RAB11FIP5: variants seen among roughly 807,000 people sequenced by gnomAD.
RAB11FIP5 encodes the protein RAB11 family interacting protein 5, also known as rab11 family-interacting protein 5.
RAB11FIP5 carries 48 observed loss-of-function variants against 85.1 expected under a neutral mutation model. That is an observed-to-expected ratio of 0.56 (90% CI 0.45 to 0.72). The LOEUF (loss-of-function observed/expected upper bound fraction) is 0.72. Ranked by LOEUF, RAB11FIP5 falls within the 30% of genes least tolerant of loss-of-function variation. RAB11FIP5 has a pLI of 0.00. For synonymous variants in RAB11FIP5, 729 were observed against 727.3 expected, an observed-to-expected ratio of 1.00 and a Z score of -0.04; for missense variants, 1,491 against 1,687.0, an observed-to-expected ratio of 0.88 and a Z score of 2.04.
chr2:73,092,030 A>C (rs1448733314), intron 1 of RAB11FIP5, among the ~76,000 whole-genome samples: 1 of 152,258 alleles, frequency 6.6e-6, no homozygotes, highest in Non-Finnish European at 1.5e-5. Flanking sequence ...TCTGTGGGGC[A>C]GGAGAGGAAG....
rs907917875 is a variant in RAB11FIP5 at position 73,080,108 on chromosome 2, C to A, written c.3124G>T (p.Gly1042Trp). The A allele has an allele frequency of 4.1e-6, 5 of 1,232,096 alleles. No homozygotes were observed. The highest frequency in any genetic ancestry group is 4.0e-6 in the Non-Finnish European group (4 of 988,046). The allele number at this position is 1,232,096 out of a possible 1,614,324, so 76.3% of individuals were successfully genotyped here. ...EAQGQDPVGE[G>W]LGSLSATSQQ... ...GAGGTGGCTGACAAGGACCCAAGCCCCTCTCCTACTGGATCCTGGCCCTGG... is the reference window on the plus strand; with the variant it reads ...GAGGTGGCTGACAAGGACCCAAGCCACTCTCCTACTGGATCCTGGCCCTGG... The change falls in exon 4 of 6, where the codon GGG (glycine) becomes TGG (tryptophan). Residue 1042 changes from glycine to tryptophan, a missense_variant. Gly to Trp is a radical substitution (Grantham distance 184). Around this residue, in one of 3 missense-constraint regions of RAB11FIP5, gnomAD observed 1,211 missense variants for 1,338.0 expected, o/e 0.91. Transcript: ENST00000486777.
At chr2:73,101,744 C>T (rs935503885) in intron 1 of RAB11FIP5, among the ~76,000 whole-genome samples, 6 of 152,180 alleles carry the variant, frequency 3.9e-5, no homozygotes, top group Non-Finnish European at 7.3e-5. Flanking sequence ...CATCAGCCCA[C>T]CCGCTCACCA....
chr2:73,087,905 G>A, intron 3 of RAB11FIP5, 145 bp downstream of exon 3: 1 of 774,806 alleles, frequency 1.3e-6, no homozygotes, highest in Admixed American at 2.9e-5. Flanking sequence ...GGCTTAGGGA[G>A]ACACCCCACT....
rs1334923933 is a variant in RAB11FIP5, at chr2:73,081,101, C to T, written c.2131G>A (p.Gly711Arg). The stretch of plus-strand genomic sequence containing the variant: ...CACACGCTGCTCCCACCTCTTCCTC[C>T]TCCTCCTCCTCCTCCTCCTCCTCCT... ...GGGGGGGGGG[G>R]GRGGSSVWLE... The change falls in exon 4 of 6, where the codon GGA becomes AGA. Residue 711 changes from glycine (G) to arginine (R), a missense_variant. Transcript: ENST00000486777. This position sits in a 1 kb window ranked among gnomAD's most constrained non-coding sequence, Gnocchi z 4.2. The T allele has an allele frequency of 7.0e-6, 5 of 713,360 alleles. No individual in the cohort carries two copies. Among genetic ancestry groups the T allele is most frequent in the Non-Finnish European group, 8.2e-6 (5 of 612,962 alleles). 44.2% of individuals were successfully genotyped at this position (713,360 alleles called of 1,614,324 possible). A position where few individuals can be genotyped will look rare whatever the true frequency, so the allele number is the denominator to read the frequency against.
intron 1 of RAB11FIP5, among the ~76,000 whole-genome samples, chr2:73,110,378 CCT>C (rs1259341063): frequency 1.3e-5 from 2 of 152,282 alleles, no homozygotes; most frequent in African/African-American, 2.4e-5. Flanking sequence ...CAGCCCTCCC[CCT>C]CTGTCAGTGG....
At chr2:73,112,303 G>A in intron 1 of RAB11FIP5, 44 bp downstream of exon 1, 2 of 1,517,614 alleles carry the variant, frequency 1.3e-6, no homozygotes, top group South Asian at 1.3e-5. Context: ...GCCCCGCCCT[G>A]TTAGGCCTTT....
intron 1 of RAB11FIP5, among the ~76,000 whole-genome samples, chr2:73,103,636 C>T (rs1684470150): frequency 6.6e-6 from 1 of 152,178 alleles, no homozygotes; most frequent in African/African-American, 2.4e-5. Context: ...GGTGATCCCC[C>T]TGTCTGCCCT....
chr2:73,081,418 C>G lies in RAB11FIP5; in HGVS notation c.1814G>C (p.Ser605Thr), dbSNP rs904093079. 1 of 1,232,542 alleles carries G rather than the reference C, an allele frequency of 8.1e-7. No homozygotes were observed. Among genetic ancestry groups the G allele is most frequent in the African/African-American group, 1.6e-5 (1 of 64,384 alleles). 76.4% of individuals were successfully genotyped at this position (1,232,542 alleles called of 1,614,324 possible). A position where few individuals can be genotyped will look rare whatever the true frequency, so the allele number is the denominator to read the frequency against. ...TATGAGCTCCTCGAAGAAGGGGTTGCTCTGCAAAGAGGTGAGGAACGGGTT... is the reference window on the plus strand; with the variant it reads ...TATGAGCTCCTCGAAGAAGGGGTTGGTCTGCAAAGAGGTGAGGAACGGGTT... ...LTNPFLTSLQSNPFFEELIAD... is the reference protein window; with the variant it reads ...LTNPFLTSLQTNPFFEELIAD... The change falls in exon 4 of 6, where the codon AGC becomes ACC. Residue 605 changes from serine to threonine, a missense_variant. Ser to Thr is a moderately conservative substitution (Grantham distance 58). Transcript: ENST00000486777. This position sits in a 1 kb window ranked among gnomAD's most constrained non-coding sequence, Gnocchi z 4.2.
At chr2:73,105,384 T>C (rs573405468) in intron 1 of RAB11FIP5, among the ~76,000 whole-genome samples, 13 of 152,238 alleles carry the variant, frequency 8.5e-5, no homozygotes, top group Non-Finnish European at 1.5e-5. Context: ...CTGGGACTAC[T>C]GGTGTGCACC....
rs552754799 is a variant in RAB11FIP5 at position 73,112,788 on chromosome 2, C to T, written c.-11G>A. On this transcript the variant is annotated 5_prime_UTR_variant, in exon 1 of 6. Coordinates refer to ENST00000486777, the MANE Select transcript of RAB11FIP5 (RefSeq NM_001371272.1). ...CCGCACCAGGGCCATGGCGGAGAAG[C>T]GGGGGGCGAGGTCTGGCCGAGCCGG... is the stretch of plus-strand genomic sequence containing the variant. The T allele has an allele frequency of 3.5e-6, 5 of 1,418,222 alleles. No homozygotes were observed. Among genetic ancestry groups the T allele is most frequent in the East Asian group, 2.8e-5 (1 of 35,762 alleles). 87.9% of individuals were successfully genotyped at this position (1,418,222 alleles called of 1,614,324 possible). A position where few individuals can be genotyped will look rare whatever the true frequency, so the allele number is the denominator to read the frequency against.
At chr2:73,104,579 C>G (rs1348442177) in intron 1 of RAB11FIP5, among the ~76,000 whole-genome samples, 2 of 152,036 alleles carry the variant, frequency 1.3e-5, no homozygotes, top group Non-Finnish European at 2.9e-5. Context: ...AAAAACAAAA[C>G]AAAACAAAAC....
intron 1 of RAB11FIP5, among the ~76,000 whole-genome samples, chr2:73,105,011 G>A (rs1684495833): frequency 6.6e-6 from 1 of 152,220 alleles, no homozygotes; most frequent in Non-Finnish European, 1.5e-5. Context: ...CCTGGATGTT[G>A]TGAAACAGAA....
At chr2:73,102,835 C>A (rs1238763305) in intron 1 of RAB11FIP5, among the ~76,000 whole-genome samples, 1 of 152,218 alleles carries the variant, frequency 6.6e-6, no homozygotes, top group African/African-American at 2.4e-5. Flanking sequence ...GACCTAGGTT[C>A]TAGTCCTGGC....
rs774822720 is a variant in RAB11FIP5 at position 73,112,382 on chromosome 2, G to A, written c.396C>T (p.Asp132=). The A allele has an allele frequency of 6.2e-7, 1 of 1,600,632 alleles. No homozygotes were observed. The highest frequency in any genetic ancestry group is 8.5e-7 in the Non-Finnish European group (1 of 1,176,620). The part of the protein sequence containing the change: ...KFLGQATVAL[D]EVFGAGRAQH... ...GGGCGCGGCCTGCGCCGAAGACCTC[G>A]TCCAGCGCCACCGTGGCCTGGCCCA... The change falls in exon 1 of 6, where the codon GAC becomes GAT. Residue 132 remains aspartate, a synonymous_variant. Transcript: ENST00000486777.
Position 73,080,367 on chromosome 2 carries a change from CT to C in RAB11FIP5, c.2864del (p.Lys955SerfsTer24), listed in dbSNP as rs933228283. ...GPPETKEEGE[K>X]RESEESDSCS... The stretch of plus-strand genomic sequence containing the variant: ...AGCTGTCAGACTCCTCCGACTCACG[CT>C]TCTCTCCCTCCTCCTTGGTCTCCGG... On this transcript the variant is annotated frameshift_variant, in exon 4 of 6. Transcript: ENST00000486777. LOFTEE classifies it high-confidence loss of function. The C allele has an allele frequency of 8.1e-7, 1 of 1,232,944 alleles. No homozygotes were observed. Among genetic ancestry groups the C allele is most frequent in the Non-Finnish European group, 1.0e-6 (1 of 988,368 alleles). The allele number at this position is 1,232,944 out of a possible 1,614,324, so 76.4% of individuals were successfully genotyped here.
chr2:73,084,314 A>G (rs1010805806), intron 3 of RAB11FIP5: 6 of 151,992 alleles, frequency 3.9e-5, no homozygotes, highest in African/African-American at 1.5e-4. Flanking sequence ...ACTTCAAAAC[A>G]TCTCCCTCCC....
intron 1 of RAB11FIP5, among the ~76,000 whole-genome samples, chr2:73,105,492 C>T (rs952848523): frequency 2.0e-5 from 3 of 152,050 alleles, no homozygotes; most frequent in South Asian, 2.1e-4. Flanking sequence ...ATCCTCCTGA[C>T]GCGGCCTCCC....
chr2:73,105,855 T>C (rs991252634), intron 1 of RAB11FIP5, among the ~76,000 whole-genome samples: 1 of 152,058 alleles, frequency 6.6e-6, no homozygotes, highest in Admixed American at 6.5e-5. Context: ...GCCAAGAGCA[T>C]AGACTGGGAA....
Position 73,077,960 on chromosome 2 carries a change from C to G in RAB11FIP5, c.3581+1691G>C, listed in dbSNP as rs567383472. On this transcript the variant is annotated intron_variant, in intron 4 of 5. Coordinates refer to ENST00000486777, the MANE Select transcript of RAB11FIP5 (RefSeq NM_001371272.1). ...CACTGAAGGAAGGGTCACCCAGACC[C>G]AGAGACTCTCAGGCTAGATCCATGC... 9.8e-5 allele frequency among the ~76,000 whole-genome samples: 15 copies of G among 152,360 alleles called. No individual in the cohort carries two copies. In the South Asian group the frequency reaches 3.1e-3, roughly 32 times the overall value.
Sources: gnomAD v4.1 joint callset for allele counts (sites outside exome capture counted in the v4.1 genomes callset) on GRCh38, gnomAD v4.1.1 for gene constraint, gnomAD v4.1.1 regional missense constraint, Gnocchi (gnomAD v3.1) non-coding constraint, MANE v1.5 for transcripts, NCBI Gene and HGNC (gene_info 2026-07-23, HGNC 2026-07-21) for gene names.